Variants in ATG5 observed in about 807,000 individuals in gnomAD.
ATG5 encodes the protein autophagy protein 5.
A neutral mutation model predicts 36.5 loss-of-function variants in ATG5; 14 were observed. The ratio of observed to expected loss-of-function variants is 0.38; its 90% CI spans 0.25 to 0.60. The LOEUF is 0.60. Among genes scored for constraint, ATG5 ranks in the 20% least tolerant of loss-of-function variants. ATG5 has a pLI of 0.60. For missense variants in ATG5, 195 were observed against 326.7 expected (o/e 0.60, Z 3.11); for synonymous variants, 95 against 101.5 (o/e 0.94, Z 0.38).
At chr6:106,191,633 T>C (rs1429171882) in intron 7 of ATG5, among the ~76,000 whole-genome samples, 14 of 152,084 alleles carry the variant, frequency 9.2e-5, no homozygotes, top group Admixed American at 9.2e-4. Flanking sequence ...AGCAAAGTAC[T>C]CAGCAGCGAC....
chr6:106,292,963 T>C (rs1203474556), intron 4 of ATG5, 65 bp downstream of exon 4: 7 of 1,328,562 alleles, frequency 5.3e-6, no homozygotes, highest in Non-Finnish European at 7.4e-6. Context: ...AAAAAGAAAA[T>C]TCTACTCGAA....
At position 106,303,707 on chromosome 6, in the gene ATG5, C is replaced by T. The variant is rs138132191; in HGVS notation, c.236+4657G>A. Among the ~76,000 whole-genome samples the T allele has an allele frequency of 7.5e-4, 114 of 152,062 alleles. 1 individual carries two copies. In the East Asian group the frequency reaches 0.014, roughly 19 times the overall value. ...ACAATGTATAAAACTTATTACATTC[C>T]GTGACCAAATAAGATTTATTAAATG... On this transcript the variant is annotated intron_variant, in intron 3 of 7. Coordinates refer to ENST00000369076, the MANE Select transcript of ATG5 (RefSeq NM_004849.4).
At chr6:106,200,021 C>T (rs1776353978) in intron 7 of ATG5, among the ~76,000 whole-genome samples, 1 of 152,170 alleles carries the variant, frequency 6.6e-6, no homozygotes, top group South Asian at 2.1e-4. Flanking sequence ...TCCTTTCTGG[C>T]ATTGGTTCTG....
chr6:106,253,742 T>C lies in ATG5; in HGVS notation c.479-5498A>G, dbSNP rs1190859599. Among the ~76,000 whole-genome samples, 4 of 152,176 alleles carry C rather than the reference T, an allele frequency of 2.6e-5. No homozygotes were observed. The East Asian group carries it at 7.7e-4, about 29-fold the overall frequency. On this transcript the variant is annotated intron_variant, in intron 5 of 7. Transcript: ENST00000369076. ...TCATCAACGAGTAAATTTTCAAATA[T>C]TTTCTAATGGGCCATAAAACATAAT... is the stretch of plus-strand genomic sequence containing the variant.
intron 4 of ATG5, among the ~76,000 whole-genome samples, chr6:106,283,901 GTTAT>G (rs1396597806): frequency 6.6e-6 from 1 of 152,182 alleles, no homozygotes; most frequent in Non-Finnish European, 1.5e-5. Context: ...TTGGCACAAA[GTTAT>G]TTATTCAATT....
intron 3 of ATG5, among the ~76,000 whole-genome samples, chr6:106,303,975 A>G (rs75058713): frequency 1.7e-5 from 2 of 118,540 alleles, no homozygotes; most frequent in South Asian, 2.9e-4. Flanking sequence ...TCCAATAAGG[A>G]AAAAAAAAAA....
chr6:106,251,531 A>G (rs963027417), intron 5 of ATG5, among the ~76,000 whole-genome samples: 12 of 149,134 alleles, frequency 8.0e-5, no homozygotes, highest in Admixed American at 7.4e-4. Context: ...ACGATAAAAA[A>G]AAAATCTGTA....
At chr6:106,208,057 A>C (rs975597684) in intron 6 of ATG5, among the ~76,000 whole-genome samples, 5 of 152,124 alleles carry the variant, frequency 3.3e-5, no homozygotes, top group Non-Finnish European at 7.3e-5. Context: ...GCGCCACTGC[A>C]CTCTAGCCTG....
intron 3 of ATG5, among the ~76,000 whole-genome samples, chr6:106,298,624 G>A (rs989288057): frequency 9.2e-5 from 14 of 152,184 alleles, no homozygotes; most frequent in South Asian, 4.1e-4. Flanking sequence ...ATCCTGTTAT[G>A]ATTTTTTAAA....
chr6:106,301,407 A>C lies in ATG5; in HGVS notation c.236+6957T>G, dbSNP rs1370853004. On this transcript the variant is annotated intron_variant, in intron 3 of 7. Coordinates refer to ENST00000369076, the MANE Select transcript of ATG5 (RefSeq NM_004849.4). ...GAGAGAACAGATAAGATGGGAGAAAAATTTTTAAACAAAATGTTAGCAGGT... is the reference window on the plus strand; with the variant it reads ...GAGAGAACAGATAAGATGGGAGAAACATTTTTAAACAAAATGTTAGCAGGT... Among the ~76,000 whole-genome samples the C allele has an allele frequency of 7.9e-5, 12 of 151,928 alleles. 1 individual carries two copies. The highest frequency in any genetic ancestry group is 1.6e-4 in the Non-Finnish European group (11 of 67,872).
intron 3 of ATG5, among the ~76,000 whole-genome samples, chr6:106,300,625 T>C (rs566102991): frequency 1.3e-5 from 2 of 152,196 alleles, no homozygotes; most frequent in East Asian, 1.9e-4. Context: ...CTAGGCTACA[T>C]GGTGTAGCCT....
intron 5 of ATG5, among the ~76,000 whole-genome samples, chr6:106,269,286 T>C (rs1355786283): frequency 6.6e-6 from 1 of 152,104 alleles, no homozygotes; most frequent in African/African-American, 2.4e-5. Context: ...TGCTGATTGG[T>C]GTATTTACAA....
chr6:106,189,598 G>GT, intron 7 of ATG5, among the ~76,000 whole-genome samples: 1 of 150,570 alleles, frequency 6.6e-6, no homozygotes, highest in East Asian at 2.0e-4. Flanking sequence ...TACAGCATGG[G>GT]TAACAAGTGA....
At chr6:106,303,553 C>G (rs1418185465) in intron 3 of ATG5, among the ~76,000 whole-genome samples, 1 of 152,090 alleles carries the variant, frequency 6.6e-6, no homozygotes, top group Non-Finnish European at 1.5e-5. Context: ...CACTTTCGAA[C>G]TCAGTTTATA....
intron 5 of ATG5, among the ~76,000 whole-genome samples, chr6:106,253,919 T>G (rs1294012391): frequency 1.3e-5 from 2 of 152,160 alleles, no homozygotes; most frequent in Non-Finnish European, 2.9e-5. Context: ...ATAAATAATG[T>G]GAGTAACAAA....
At chr6:106,287,284 C>G (rs1780116942) in intron 4 of ATG5, among the ~76,000 whole-genome samples, 1 of 152,164 alleles carries the variant, frequency 6.6e-6, no homozygotes, top group South Asian at 2.1e-4. Context: ...AAAAACTTGT[C>G]CATCAGAAAA....
intron 6 of ATG5, among the ~76,000 whole-genome samples, chr6:106,235,086 G>A (rs1448217475): frequency 1.3e-5 from 2 of 152,158 alleles, no homozygotes; most frequent in South Asian, 2.1e-4. Context: ...GTAGAACAGA[G>A]GAGCTTCAAA....
chr6:106,221,345 T>C (rs749706552), intron 6 of ATG5, among the ~76,000 whole-genome samples: 7 of 152,102 alleles, frequency 4.6e-5, no homozygotes, highest in Non-Finnish European at 1.0e-4. Flanking sequence ...TTTTCAACAG[T>C]TATAACATTT....
chr6:106,271,335 A>C (rs2114580478), intron 5 of ATG5, among the ~76,000 whole-genome samples: 1 of 152,284 alleles, frequency 6.6e-6, no homozygotes, highest in South Asian at 2.1e-4. Flanking sequence ...GTGGTGGGGC[A>C]TTTGGGAGCT....
Sources: gnomAD v4.1 joint callset for allele counts (sites outside exome capture counted in the v4.1 genomes callset) on GRCh38, gnomAD v4.1.1 for gene constraint, MANE v1.5 for transcripts, NCBI Gene and HGNC (gene_info 2026-07-23, HGNC 2026-07-21) for gene names.